DCAF8L2: variants seen among roughly 807,000 people sequenced by gnomAD.
DCAF8L2 encodes DDB1 and CUL4 associated factor 8 like 2.
For missense variants in DCAF8L2, 430 were observed against 490.7 expected (o/e 0.88, Z 1.17); for synonymous variants, 200 against 190.9 (o/e 1.05, Z -0.39).
At chrX:27,615,341 G>T (rs1314476705) in intron 1 of DCAF8L2, among the ~76,000 whole-genome samples, 2 of 111,151 alleles carry the variant, frequency 1.8e-5, no homozygotes, top group Non-Finnish European at 3.8e-5. Flanking sequence ...TGAACATAAT[G>T]AATCAATGTA....
chrX:27,689,739 A>G (rs1182289295), intron 3 of DCAF8L2, among the ~76,000 whole-genome samples: 1 of 112,371 alleles, frequency 8.9e-6, no homozygotes. Context: ...ATATGAGTTC[A>G]TACTACTTTC....
chrX:27,485,924 CTTTTTTT>C, the DCAF8L2 span, among the ~76,000 whole-genome samples: 1 of 58,839 alleles, frequency 1.7e-5, no homozygotes, highest in Non-Finnish European at 3.0e-5. Context: ...TTCTTTTTCT[CTTTTTTT>C]TTTTTTTTTT....
At chrX:27,714,385 T>C (rs928535807) in intron 3 of DCAF8L2, among the ~76,000 whole-genome samples, 3 of 111,337 alleles carry the variant, frequency 2.7e-5, no homozygotes, top group Non-Finnish European at 5.7e-5. Context: ...GAGTTTTTTT[T>C]TTTACTTGAG....
the DCAF8L2 span, among the ~76,000 whole-genome samples, chrX:27,502,335 A>AATATAT: frequency 0.018 from 229 of 12,554 alleles, 10 homozygotes; most frequent in East Asian, 0.057. Flanking sequence ...AAAAAAAAAA[A>AATATAT]ATATATATAT....
chrX:27,528,380 C>T, the DCAF8L2 span, among the ~76,000 whole-genome samples: 200 of 104,678 alleles, frequency 1.9e-3, 3 homozygotes, highest in East Asian at 0.037. Context: ...ACATTAATTT[C>T]GACAATATTC....
chrX:27,502,335 A>AAAAAAAAAAAT, the DCAF8L2 span, among the ~76,000 whole-genome samples: 4 of 12,718 alleles, frequency 3.1e-4, no homozygotes, highest in African/African-American at 4.4e-4. Flanking sequence ...AAAAAAAAAA[A>AAAAAAAAAAAT]ATATATATAT....
the DCAF8L2 span, among the ~76,000 whole-genome samples, chrX:27,542,410 G>A: frequency 6.4e-5 from 7 of 110,170 alleles, no homozygotes; most frequent in African/African-American, 2.0e-4. Context: ...GGTATGAGAT[G>A]GTATCTCATT....
the DCAF8L2 span, among the ~76,000 whole-genome samples, chrX:27,546,383 A>G: frequency 2.7e-5 from 3 of 111,640 alleles, no homozygotes; most frequent in African/African-American, 9.8e-5. Flanking sequence ...TGGCTTTTCC[A>G]GGCACATGGT....
At chrX:27,579,334 A>G in the DCAF8L2 span, among the ~76,000 whole-genome samples, 1 of 111,021 alleles carries the variant, frequency 9.0e-6, no homozygotes, top group Non-Finnish European at 1.9e-5. Flanking sequence ...GCATGTTTTC[A>G]CCTATAAGTG....
chrX:27,554,627 C>T, the DCAF8L2 span, among the ~76,000 whole-genome samples: 1 of 111,889 alleles, frequency 8.9e-6, no homozygotes, highest in South Asian at 3.7e-4. Context: ...CAATTTAGAA[C>T]CCTTTAATTT....
chrX:27,577,548 G>A, the DCAF8L2 span, among the ~76,000 whole-genome samples: 2 of 111,380 alleles, frequency 1.8e-5, no homozygotes, highest in African/African-American at 3.3e-5. Flanking sequence ...AATTGAGGAA[G>A]GTAATTAATA....
chrX:27,551,816 A>G, the DCAF8L2 span, among the ~76,000 whole-genome samples: 1 of 112,069 alleles, frequency 8.9e-6, no homozygotes, highest in African/African-American at 3.2e-5. Flanking sequence ...TATCTCTTTG[A>G]CATACTGATT....
At chrX:27,591,146 C>T (rs1926074063) in intron 1 of DCAF8L2, among the ~76,000 whole-genome samples, 1 of 108,171 alleles carries the variant, frequency 9.2e-6, no homozygotes, top group East Asian at 2.9e-4. Context: ...AATACATGTA[C>T]TGGTGTGTGA....
At chrX:27,632,052 T>C (rs1928309925) in intron 2 of DCAF8L2, 52 bp downstream of exon 2, 1 of 110,639 alleles carries the variant, frequency 9.0e-6, no homozygotes, top group African/African-American at 3.3e-5. Context: ...TGGGTTTTAA[T>C]GGGGCACGTC....
At chrX:27,501,664 G>A in the DCAF8L2 span, among the ~76,000 whole-genome samples, 2 of 111,061 alleles carry the variant, frequency 1.8e-5, no homozygotes, top group African/African-American at 6.6e-5. Flanking sequence ...CCAACTCTCC[G>A]TGATTGGCAC....
the DCAF8L2 span, among the ~76,000 whole-genome samples, chrX:27,486,942 A>G: frequency 2.7e-5 from 3 of 111,431 alleles, no homozygotes; most frequent in Middle Eastern, 0.014. Flanking sequence ...TGTTTTGGTT[A>G]TTCTGTGCCC....
At chrX:27,484,826 C>T in the DCAF8L2 span, among the ~76,000 whole-genome samples, 12 of 110,681 alleles carry the variant, frequency 1.1e-4, no homozygotes, top group Non-Finnish European at 1.7e-4. Context: ...TCATACAAGG[C>T]GGCAGGGGAG....
chrX:27,736,860 TC>T (rs1463182601), intron 4 of DCAF8L2, among the ~76,000 whole-genome samples: 1 of 111,330 alleles, frequency 9.0e-6, no homozygotes, highest in Non-Finnish European at 1.9e-5. Context: ...CCAGTCTCAT[TC>T]TCTCACAAAT....
At chrX:27,510,379 T>G in the DCAF8L2 span, among the ~76,000 whole-genome samples, 1 of 92,615 alleles carries the variant, frequency 1.1e-5, no homozygotes, top group Non-Finnish European at 2.2e-5. Context: ...GATTATCTTT[T>G]TATGCCTTCA....
Sources: allele counts gnomAD v4.1 joint callset (sites outside exome capture counted in the v4.1 genomes callset), GRCh38; gene constraint gnomAD v4.1.1; transcripts MANE v1.5; gene names NCBI Gene and HGNC (gene_info 2026-07-23, HGNC 2026-07-21).